Variants in POLK observed in about 807,000 individuals in gnomAD.
POLK encodes the protein DNA polymerase kappa, also known as polymerase (DNA directed) kappa.
POLK carries 76 observed loss-of-function variants against 94.0 expected under a neutral mutation model. The observed-to-expected ratio is 0.81, with a 90% confidence interval of 0.67 to 0.98. The LOEUF is 0.98. POLK is among the 50% of genes least tolerant of loss of function. POLK has a pLI of 0.00. For synonymous variants in POLK, 349 were observed against 325.4 expected, an observed-to-expected ratio of 1.07 and a Z score of -0.78; for missense variants, 954 against 1,010.1, an observed-to-expected ratio of 0.94 and a Z score of 0.75.
chr5:75,593,537 G>A (rs971379188), intron 11 of POLK, among the ~76,000 whole-genome samples: 70 of 151,978 alleles, frequency 4.6e-4, no homozygotes, highest in African/African-American at 1.6e-3. Context: ...CTTTTTTCTA[G>A]AAGTTAGGAA....
intron 3 of POLK, among the ~76,000 whole-genome samples, chr5:75,567,806 C>T (rs1285135042): frequency 1.3e-5 from 2 of 152,174 alleles, no homozygotes; most frequent in Non-Finnish European, 2.9e-5. Context: ...TGGAAAGGCA[C>T]TCTAGACAGA....
At chr5:75,569,409 G>C (rs528175397) in exon 4 of POLK, 49 of 1,613,156 alleles carry the variant, frequency 3.0e-5, no homozygotes, top group Non-Finnish European at 3.8e-5. Flanking sequence ...CATTGACATG[G>C]ATGCTTTCTA....
chr5:75,511,137 A>C, upstream of POLK: 2 of 1,604,388 alleles, frequency 1.2e-6, no homozygotes, highest in Non-Finnish European at 1.7e-6. Flanking sequence ...GCAGCGCTCC[A>C]CAGGCGGCCC....
Position 75,573,747 on chromosome 5 carries a change from A to G in POLK, c.418A>G (p.Asn140Asp), listed in dbSNP as rs1356684447. 2.5e-6 allele frequency: 4 copies of G among 1,612,884 alleles called. No individual in the cohort carries two copies. The highest frequency in any genetic ancestry group is 2.5e-6 in the Non-Finnish European group (3 of 1,179,120). ...GTCAATTTTCTTTCAGTCTACTTCA[A>G]ATTACCATGCAAGGAGATTTGGTGT... Residue 140 changes from asparagine (N) to aspartate (D), a missense_variant, in exon 5 of 15, where the codon AAT becomes GAT. Asn to Asp is a conservative substitution (Grantham distance 23, BLOSUM62 1). Coordinates refer to ENST00000241436, the Ensembl canonical transcript of POLK.
rs370981937 is a variant in POLK, at chr5:75,594,326, A to G, written c.1528+277A>G. 4.6e-5 allele frequency among the ~76,000 whole-genome samples: 7 copies of G among 152,374 alleles called. No individual in the cohort carries two copies. The East Asian group carries it at 7.7e-4, about 17-fold the overall frequency. On this transcript the variant is annotated intron_variant, in intron 12 of 14. Transcript: ENST00000241436. ...CTGGATACAATCCTACTGTAACTCA[A>G]TGAGCACCTGTATTCTCGCCTTCAT...
chr5:75,589,383 A>T (rs1483134282), intron 10 of POLK, among the ~76,000 whole-genome samples: 1 of 111,968 alleles, frequency 8.9e-6, no homozygotes, highest in Admixed American at 1.0e-4. Flanking sequence ...ATATATATAC[A>T]CACATACACA....
chr5:75,595,248 G>GAAAAAAAAAAAAAAAAAAAAAAAAAAAAA, intron 12 of POLK, among the ~76,000 whole-genome samples: 1 of 24,882 alleles, frequency 4.0e-5, no homozygotes, highest in Non-Finnish European at 9.2e-5. Context: ...CTCCACCTCA[G>GAAAAAAAAAAAAAAAAAAAAAAAAAAAAA]AAAAAAAAAA....
intron 1 of POLK, among the ~76,000 whole-genome samples, chr5:75,525,703 G>A (rs1768805904): frequency 6.6e-6 from 1 of 152,160 alleles, no homozygotes; most frequent in Non-Finnish European, 1.5e-5. Flanking sequence ...GGCCTTAGCA[G>A]AAATAATGGA....
At chr5:75,522,784 A>G (rs961785625) in intron 1 of POLK, among the ~76,000 whole-genome samples, 1 of 152,190 alleles carries the variant, frequency 6.6e-6, no homozygotes, top group East Asian at 1.9e-4. Flanking sequence ...CTAAGATTCT[A>G]TTATGCATCT....
intron 1 of POLK, chr5:75,512,172 TG>T (rs1413190874): frequency 5.1e-6 from 1 of 194,640 alleles, no homozygotes; most frequent in Admixed American, 5.7e-5. Context: ...GCTGGGGTTT[TG>T]TGAGCTACTA....
In POLK at chr5:75,521,767, TC is replaced by T. The variant is rs200187724; in HGVS notation, c.-14+9854del. Among the ~76,000 whole-genome samples the T allele has an allele frequency of 2.5e-3, 315 of 127,844 alleles. 1 individual carries two copies. The East Asian group carries it at 0.03, about 12-fold the overall frequency. 83.9% of individuals were successfully genotyped at this position (127,844 alleles called of 152,430 possible). A position where few individuals can be genotyped will look rare whatever the true frequency, so the allele number is the denominator to read the frequency against. On this transcript the variant is annotated intron_variant, in intron 1 of 14. Transcript: ENST00000241436. ...TTCTTTGTAACTTACCTGTTGAATT[TC>T]TTTTTTTTTTTCTGCTAGGTCACTC...
chr5:75,559,592 G>A (rs1770864118), intron 3 of POLK, among the ~76,000 whole-genome samples: 1 of 140,186 alleles, frequency 7.1e-6, no homozygotes, highest in Non-Finnish European at 1.5e-5. Context: ...GGAGTGCAGT[G>A]GTGGTACCAT....
intron 9 of POLK, 81 bp downstream of exon 9, chr5:75,585,007 G>C: frequency 1.2e-6 from 1 of 843,328 alleles, no homozygotes; most frequent in African/African-American, 1.7e-5. Context: ...GAGGCTATAT[G>C]GATAACATGT....
chr5:75,556,262 A>G (rs1233875563), intron 3 of POLK, among the ~76,000 whole-genome samples: 1 of 152,176 alleles, frequency 6.6e-6, no homozygotes, highest in Non-Finnish European at 1.5e-5. Flanking sequence ...CCCTGATGAC[A>G]TATGATGTGG....
chr5:75,575,858 G>A (rs1057145179), intron 5 of POLK, among the ~76,000 whole-genome samples: 1 of 148,454 alleles, frequency 6.7e-6, no homozygotes, highest in Non-Finnish European at 1.5e-5. Flanking sequence ...TGATACAGTA[G>A]ACAGTTTTAA....
At chr5:75,535,677 G>A (rs751130726) in intron 1 of POLK, among the ~76,000 whole-genome samples, 3 of 151,996 alleles carry the variant, frequency 2.0e-5, no homozygotes, top group Non-Finnish European at 4.4e-5. Context: ...ATTTTTGTGT[G>A]ACTGGGTTAT....
At chr5:75,550,479 TGA>T (rs1770281874) in intron 2 of POLK, among the ~76,000 whole-genome samples, 1 of 152,060 alleles carries the variant, frequency 6.6e-6, no homozygotes, top group Admixed American at 6.5e-5. Context: ...CTCAGGAGGC[TGA>T]GACAGGAGAA....
intron 1 of POLK, among the ~76,000 whole-genome samples, chr5:75,546,405 AACGG>A (rs1313118290): frequency 6.6e-6 from 1 of 152,140 alleles, no homozygotes; most frequent in Non-Finnish European, 1.5e-5. Flanking sequence ...GGGTGGCAGA[AACGG>A]AAGAAATTCA....
chr5:75,577,064 T>TA, intron 6 of POLK, 131 bp downstream of exon 6: 1 of 473,716 alleles, frequency 2.1e-6, no homozygotes, highest in Non-Finnish European at 3.5e-6. Context: ...TATAAAAATG[T>TA]AAAATCAGAA....
Sources: gnomAD v4.1 joint callset for allele counts (sites outside exome capture counted in the v4.1 genomes callset) on GRCh38, gnomAD v4.1.1 for gene constraint, MANE v1.5 for transcripts, NCBI Gene and HGNC (gene_info 2026-07-23, HGNC 2026-07-21) for gene names.